The following TOGARAM2 variants were observed in gnomAD, a reference collection of about 807,000 sequenced individuals.
The protein encoded by TOGARAM2 is TOG array regulator of axonemal microtubules 2.
TOGARAM2 carries 85 observed loss-of-function variants against 93.3 expected under a neutral mutation model. The observed-to-expected ratio is 0.91, with a 90% CI of 0.76 to 1.09. TOGARAM2 has a LOEUF of 1.09. TOGARAM2 is among the 50% of genes least tolerant of loss of function. The pLI, the probability that TOGARAM2 is intolerant of heterozygous loss-of-function variation, is 0.00. For synonymous variants in TOGARAM2, 593 were observed against 552.8 expected, an observed-to-expected ratio of 1.07 and a Z score of -1.02; for missense variants, 1,277 against 1,334.5, an observed-to-expected ratio of 0.96 and a Z score of 0.67.
At chr2:29,043,262 G>A (rs536246081) in intron 18 of TOGARAM2, among the ~76,000 whole-genome samples, 33 of 152,200 alleles carry the variant, frequency 2.2e-4, no homozygotes, top group Admixed American at 1.3e-3. Flanking sequence ...CTTGATTTGC[G>A]GATGGAGCTT....
intron 14 of TOGARAM2, among the ~76,000 whole-genome samples, chr2:29,027,417 G>A (rs1665472117): frequency 6.6e-6 from 1 of 152,130 alleles, no homozygotes; most frequent in Non-Finnish European, 1.5e-5. Flanking sequence ...CTAGTCGAGG[G>A]AGACAGATAA....
intron 1 of TOGARAM2, among the ~76,000 whole-genome samples, chr2:28,987,270 T>C (rs1672510385): frequency 6.6e-6 from 1 of 152,216 alleles, no homozygotes; most frequent in African/African-American, 2.4e-5. Context: ...TTCTTCTCAA[T>C]AAGACTGTCT....
chr2:29,036,355 C>T (rs924417225), intron 17 of TOGARAM2, among the ~76,000 whole-genome samples, 186 bp from the exon 18 acceptor site: 1 of 152,168 alleles, frequency 6.6e-6, no homozygotes, highest in Non-Finnish European at 1.5e-5. Context: ...GTTGGTTCCT[C>T]CCCTCTTCCC....
At chr2:28,983,807 C>T (rs1672339522) in intron 1 of TOGARAM2, among the ~76,000 whole-genome samples, 1 of 152,180 alleles carries the variant, frequency 6.6e-6, no homozygotes, top group Non-Finnish European at 1.5e-5. Flanking sequence ...GCTCTGTGCT[C>T]TCACTAGCAC....
chr2:29,022,105 GC>G, intron 10 of TOGARAM2, 52 bp from the exon 11 acceptor site: 1 of 1,611,034 alleles, frequency 6.2e-7, no homozygotes. Flanking sequence ...GGCCACTCGG[GC>G]TCTTGCCTGT....
intron 4 of TOGARAM2, among the ~76,000 whole-genome samples, chr2:29,001,107 C>T (rs1009681501): frequency 2.0e-5 from 3 of 152,152 alleles, no homozygotes; most frequent in African/African-American, 7.2e-5. Flanking sequence ...GCTCTGGCCC[C>T]TGCATTGAGG....
chr2:28,998,041 C>T (rs192517648), intron 2 of TOGARAM2, 102 bp from the exon 3 acceptor site: 21 of 736,230 alleles, frequency 2.9e-5, no homozygotes, highest in African/African-American at 2.8e-4. Context: ...AGGGACCCTG[C>T]GGGGTGGAGT....
At chr2:28,984,055 C>T (rs1023135475) in intron 1 of TOGARAM2, among the ~76,000 whole-genome samples, 9 of 151,876 alleles carry the variant, frequency 5.9e-5, no homozygotes, top group Admixed American at 2.0e-4. Flanking sequence ...CATCCCTCTC[C>T]TCCATTCTTC....
chr2:28,976,373 AAACAAC>A (rs369538045), upstream of TOGARAM2, among the ~76,000 whole-genome samples: 56 of 151,942 alleles, frequency 3.7e-4, no homozygotes, highest in African/African-American at 1.4e-3. Flanking sequence ...TCCATCTCAA[AAACAAC>A]AACAACAACA....
At chr2:29,035,947 C>T (rs188941451) in intron 17 of TOGARAM2, among the ~76,000 whole-genome samples, 4 of 152,210 alleles carry the variant, frequency 2.6e-5, no homozygotes, top group Non-Finnish European at 4.4e-5. Flanking sequence ...TTCTGGGGAG[C>T]TAGGTGCATC....
chr2:28,991,037 TGTG>T (rs869248376), intron 1 of TOGARAM2, among the ~76,000 whole-genome samples: 27 of 141,202 alleles, frequency 1.9e-4, no homozygotes, highest in African/African-American at 6.9e-4. Flanking sequence ...TGTGTGTGTG[TGTG>T]GCTTTTCCCC....
At chr2:29,036,400 G>T (rs1666110254) in intron 17 of TOGARAM2, 141 bp from the exon 18 acceptor site, 3 of 685,792 alleles carry the variant, frequency 4.4e-6, no homozygotes, top group Non-Finnish European at 7.4e-6. Context: ...TTTTGAGAGT[G>T]CTGTGGCATA....
chr2:29,011,415 C>T, intron 6 of TOGARAM2, 40 bp from the exon 7 acceptor site: 1 of 1,604,394 alleles, frequency 6.2e-7, no homozygotes. Flanking sequence ...CTCTGGCTGG[C>T]CATCCCTCAT....
chr2:28,998,205 C>T lies in TOGARAM2; in HGVS notation c.91C>T (p.Arg31Trp), dbSNP rs746261840. The T allele has an allele frequency of 4.9e-5, 79 of 1,612,128 alleles. No individual in the cohort carries two copies. Among genetic ancestry groups the T allele is most frequent in the East Asian group, 1.8e-4 (8 of 44,786 alleles). Residue 31 changes from arginine (R) to tryptophan (W), a missense_variant, in exon 3 of 20, where the codon CGG becomes TGG. Coordinates refer to ENST00000379558, the MANE Select transcript of TOGARAM2 (RefSeq NM_199280.4). Reference sequence around the variant, plus strand: ...CATCCCTCGGACCAGTGCTGGGCCCCGGGTGCTCCCGCCTGGAAGCATCAA... The same window carrying T: ...CATCCCTCGGACCAGTGCTGGGCCCTGGGTGCTCCCGCCTGGAAGCATCAA... ...GSIPRTSAGPRVLPPGSINSS... is the reference protein window; with the variant it reads ...GSIPRTSAGPWVLPPGSINSS...
chr2:28,959,755 A>G (rs1177870103), intron 1 of TOGARAM2, among the ~76,000 whole-genome samples: 1 of 152,228 alleles, frequency 6.6e-6, no homozygotes, highest in Non-Finnish European at 1.5e-5. Context: ...AAAAAAGAAA[A>G]AAAAGAATAG....
intron 14 of TOGARAM2, 117 bp from the exon 15 acceptor site, chr2:29,032,817 T>C (rs1665849857): frequency 2.5e-6 from 2 of 790,534 alleles, no homozygotes; most frequent in African/African-American, 1.7e-5. Context: ...ATTGCTTTTG[T>C]AATTAGAAAA....
intron 1 of TOGARAM2, among the ~76,000 whole-genome samples, chr2:28,958,769 A>G (rs1399352238): frequency 6.6e-6 from 1 of 152,208 alleles, no homozygotes; most frequent in Middle Eastern, 3.2e-3. Context: ...GGTTAGAAGT[A>G]TAATACAAAC....
chr2:29,030,218 G>A (rs1414171185), intron 14 of TOGARAM2, among the ~76,000 whole-genome samples: 3 of 152,188 alleles, frequency 2.0e-5, no homozygotes, highest in African/African-American at 7.2e-5. Flanking sequence ...ACTGGTTGCG[G>A]TGAGCTGAAA....
chr2:28,965,323 C>T (rs1671852986), intron 1 of TOGARAM2, among the ~76,000 whole-genome samples: 1 of 152,174 alleles, frequency 6.6e-6, no homozygotes, highest in Admixed American at 6.6e-5. Flanking sequence ...TTCGTCTCAT[C>T]TGTTTTTATT....
Sources: allele counts gnomAD v4.1 joint callset (sites outside exome capture counted in the v4.1 genomes callset), GRCh38; gene constraint gnomAD v4.1.1; transcripts MANE v1.5; gene names NCBI Gene and HGNC (gene_info 2026-07-23, HGNC 2026-07-21).